Variants in KSR2 observed in about 807,000 individuals in gnomAD.
The protein encoded by KSR2 is kinase suppressor of ras 2.
KSR2 carries 25 observed loss-of-function variants against 107.8 expected under a neutral mutation model. The ratio of observed to expected loss-of-function variants is 0.23; its 90% CI spans 0.17 to 0.32. KSR2 has a LOEUF of 0.32. KSR2 is among the 10% of genes least tolerant of loss of function. The pLI is 1.00. For missense variants in KSR2, 887 were observed against 1,268.9 expected (o/e 0.70, Z 4.57); for synonymous variants, 480 against 507.0 (o/e 0.95, Z 0.71).
At chr12:117,520,679 C>A (rs1044208240) in intron 14 of KSR2, among the ~76,000 whole-genome samples, 1 of 152,210 alleles carries the variant, frequency 6.6e-6, no homozygotes, top group Admixed American at 6.5e-5. Context: ...TGCACCCACC[C>A]TTTATTTTTG....
chr12:117,767,035 G>A (rs544321965), intron 3 of KSR2, among the ~76,000 whole-genome samples: 3 of 151,648 alleles, frequency 2.0e-5, no homozygotes, highest in South Asian at 4.2e-4. Context: ...CAGTGGCCTC[G>A]TGATCCACCA....
At chr12:117,682,567 A>G (rs598670) in intron 4 of KSR2, among the ~76,000 whole-genome samples, 120,349 of 151,678 alleles carry the variant, frequency 0.79, 48,210 homozygotes, top group African/African-American at 0.9. Context: ...ACAGGTGCGC[A>G]CCACCACACC....
chr12:117,709,105 C>T (rs760668530), intron 4 of KSR2, among the ~76,000 whole-genome samples: 75 of 152,130 alleles, frequency 4.9e-4, no homozygotes, highest in Non-Finnish European at 1.8e-4. Context: ...AACACACCTG[C>T]GAAGTCCCTT....
Position 117,692,523 on chromosome 12 carries a change from T to C in KSR2, c.987-24865A>G, listed in dbSNP as rs374664611. Reference sequence around the variant, plus strand: ...ATATATATACACACACACATATATATACACACACACATATATATACACATA... The same window carrying C: ...ATATATATACACACACACATATATACACACACACACATATATATACACATA... On this transcript the variant is annotated intron_variant, in intron 4 of 19. Transcript: ENST00000339824. Among the ~76,000 whole-genome samples the C allele has an allele frequency of 8.9e-5, 11 of 123,254 alleles. 1 individual carries two copies. The highest frequency in any genetic ancestry group is 6.3e-4 in the Admixed American group (8 of 12,702). 80.9% of individuals were successfully genotyped at this position (123,254 alleles called of 152,430 possible). A position where few individuals can be genotyped will look rare whatever the true frequency, so the allele number is the denominator to read the frequency against.
At chr12:117,822,384 T>C (rs1396627458) in intron 3 of KSR2, among the ~76,000 whole-genome samples, 1 of 152,162 alleles carries the variant, frequency 6.6e-6, no homozygotes, top group Admixed American at 6.5e-5. Flanking sequence ...TCCTGTAACA[T>C]TATGACACAG....
At chr12:117,488,192 T>C (rs1191724189) in intron 14 of KSR2, among the ~76,000 whole-genome samples, 3 of 152,210 alleles carry the variant, frequency 2.0e-5, no homozygotes, top group Non-Finnish European at 4.4e-5. Flanking sequence ...CATGTGGAAC[T>C]GTGAGTCCAT....
chr12:117,673,696 G>A (rs1885008338), intron 4 of KSR2, among the ~76,000 whole-genome samples: 2 of 152,090 alleles, frequency 1.3e-5, no homozygotes, highest in South Asian at 4.2e-4. Flanking sequence ...GGAAAAAACA[G>A]ACACAAATGA....
At chr12:117,840,588 G>T (rs1280868852) in intron 3 of KSR2, among the ~76,000 whole-genome samples, 1 of 151,888 alleles carries the variant, frequency 6.6e-6, no homozygotes, top group African/African-American at 2.4e-5. Flanking sequence ...TGGAGACAGG[G>T]TTTCACCATT....
At chr12:117,968,012 G>T in intron 1 of KSR2, 64 bp downstream of exon 1, 1 of 1,395,524 alleles carries the variant, frequency 7.2e-7, no homozygotes, top group Non-Finnish European at 9.9e-7. Flanking sequence ...GGAGAAAGGA[G>T]GGGGAAAGAA....
chr12:117,777,107 T>TATATATATATATATATATATAC (rs58787858), intron 3 of KSR2, among the ~76,000 whole-genome samples: 8 of 66,150 alleles, frequency 1.2e-4, no homozygotes, highest in African/African-American at 4.2e-4. Flanking sequence ...TATATATATA[T>TATATATATATATATATATATAC]ACACACACAC....
chr12:117,565,432 G>A (rs761441465), intron 7 of KSR2, among the ~76,000 whole-genome samples: 32 of 152,260 alleles, frequency 2.1e-4, no homozygotes, highest in Non-Finnish European at 3.8e-4. Flanking sequence ...TTTGAGCCAG[G>A]TGCTAAATTA....
chr12:117,949,256 T>C (rs1162650242), intron 1 of KSR2, among the ~76,000 whole-genome samples: 3 of 151,858 alleles, frequency 2.0e-5, no homozygotes, highest in South Asian at 2.1e-4. Context: ...AAGTGATAAA[T>C]TGGACTTTAT....
chr12:117,602,868 T>A (rs1881032531), intron 5 of KSR2, among the ~76,000 whole-genome samples: 1 of 152,152 alleles, frequency 6.6e-6, no homozygotes, highest in Non-Finnish European at 1.5e-5. Context: ...TAAAACTATA[T>A]AGAAGCACCC....
intron 3 of KSR2, among the ~76,000 whole-genome samples, chr12:117,828,387 T>TTTGCAACGTGCTATCC (rs1891833971): frequency 1.3e-5 from 2 of 152,212 alleles, no homozygotes; most frequent in Admixed American, 6.5e-5. Flanking sequence ...CTCAACATCC[T>TTTGCAACGTGCTATCC]TTGCAACGTG....
At chr12:117,764,638 G>T (rs1889161804) in intron 3 of KSR2, among the ~76,000 whole-genome samples, 1 of 152,128 alleles carries the variant, frequency 6.6e-6, no homozygotes, top group Non-Finnish European at 1.5e-5. Context: ...CTCTACCAAA[G>T]TCACCATCAT....
chr12:117,758,299 C>A (rs980348609), intron 4 of KSR2, among the ~76,000 whole-genome samples: 2 of 152,170 alleles, frequency 1.3e-5, no homozygotes, highest in African/African-American at 4.8e-5. Context: ...TTCACCTCTA[C>A]CCATGACCCC....
At chr12:117,589,539 T>C (rs1880199697) in intron 5 of KSR2, among the ~76,000 whole-genome samples, 1 of 152,150 alleles carries the variant, frequency 6.6e-6, no homozygotes, top group African/African-American at 2.4e-5. Context: ...AGCAGAGGTG[T>C]TGCATTCAAA....
At chr12:117,568,137 A>G (rs1172732711) in intron 7 of KSR2, among the ~76,000 whole-genome samples, 1 of 152,192 alleles carries the variant, frequency 6.6e-6, no homozygotes, top group East Asian at 1.9e-4. Context: ...CCATAAAAGG[A>G]CACTGTAAGG....
chr12:117,951,196 C>T (rs963827921), intron 1 of KSR2, among the ~76,000 whole-genome samples: 1 of 152,172 alleles, frequency 6.6e-6, no homozygotes, highest in Non-Finnish European at 1.5e-5. Context: ...GTGTGAGCCA[C>T]CGCGCCCGGC....
Sources: allele counts gnomAD v4.1 joint callset (sites outside exome capture counted in the v4.1 genomes callset), GRCh38; gene constraint gnomAD v4.1.1; transcripts MANE v1.5; gene names NCBI Gene and HGNC (gene_info 2026-07-23, HGNC 2026-07-21).